Variants in TNRC6A observed in about 807,000 individuals in gnomAD.
TNRC6A encodes the protein trinucleotide repeat containing adaptor 6A.
A neutral mutation model predicts 221.2 loss-of-function variants in TNRC6A; 44 were observed. The observed-to-expected ratio is 0.20, with a 90% CI of 0.16 to 0.26. The LOEUF is 0.26. TNRC6A is among the 10% of genes least tolerant of loss of function. TNRC6A has a pLI of 1.00. For missense variants in TNRC6A, 2,199 were observed against 2,404.4 expected, an observed-to-expected ratio of 0.91 and a Z score of 1.79; for synonymous variants, 847 against 838.5, an observed-to-expected ratio of 1.01 and a Z score of -0.18.
intron 15 of TNRC6A, 68 bp downstream of exon 15, chr16:24,805,801 T>A: frequency 3.8e-6 from 6 of 1,599,024 alleles, no homozygotes; most frequent in Non-Finnish European, 5.1e-6. Context: ...AACACTAGAC[T>A]CTGTGCGGGA....
In TNRC6A at chr16:24,823,663, C is replaced by T. The variant is rs773585517; in HGVS notation, c.5745C>T (p.Gly1915=). 6.2e-7 allele frequency: 1 copy of T among 1,612,286 alleles called. No homozygotes were observed. The highest frequency in any genetic ancestry group is 8.5e-7 in the Non-Finnish European group (1 of 1,178,802). ...GAACTAACTGTGGAGACCTTCACGG[C>T]ACTTCACTCTGGGGGACCCCGCATT... The part of the protein sequence containing the change: ...LSGTNCGDLH[G]TSLWGTPHYS... Residue 1915 remains glycine (G), a synonymous_variant, in exon 25 of 25, where the codon GGC becomes GGT. Transcript: ENST00000395799. The surrounding 1 kb of genome is among the most constrained non-coding windows in gnomAD (Gnocchi z 4.3).
intron 2 of TNRC6A, among the ~76,000 whole-genome samples, chr16:24,695,251 G>A (rs1046091600): frequency 3.3e-5 from 5 of 152,106 alleles, no homozygotes; most frequent in Non-Finnish European, 7.3e-5. Flanking sequence ...TACTCCAAGG[G>A]TATCTGATAC....
intron 2 of TNRC6A, among the ~76,000 whole-genome samples, chr16:24,686,282 G>A (rs149690478): frequency 2.7e-3 from 414 of 152,208 alleles, no homozygotes; most frequent in Non-Finnish European, 4.7e-3. Context: ...CTTCCCTCAC[G>A]CGAGCCGAGA....
intron 2 of TNRC6A, among the ~76,000 whole-genome samples, chr16:24,746,392 A>T (rs1302006447): frequency 6.6e-6 from 1 of 152,172 alleles, no homozygotes; most frequent in Non-Finnish European, 1.5e-5. Flanking sequence ...GCTCGGGGCA[A>T]CTGAGTGAGA....
At chr16:24,666,702 G>A (rs541432877) in intron 2 of TNRC6A, among the ~76,000 whole-genome samples, 1 of 142,668 alleles carries the variant, frequency 7.0e-6, no homozygotes, top group Non-Finnish European at 1.5e-5. Context: ...TATGGCAGGG[G>A]CAGGGGCAGT....
intron 2 of TNRC6A, among the ~76,000 whole-genome samples, chr16:24,691,302 C>T (rs913817769): frequency 6.6e-6 from 1 of 152,016 alleles, no homozygotes; most frequent in African/African-American, 2.4e-5. Flanking sequence ...ACTGCAACCT[C>T]GAACTCCTGG....
chr16:24,813,291 C>T (rs1332438856), intron 18 of TNRC6A, among the ~76,000 whole-genome samples: 1 of 152,086 alleles, frequency 6.6e-6, no homozygotes, highest in Admixed American at 6.5e-5. Flanking sequence ...AGCCCATTGC[C>T]CAAATAGTGA....
At chr16:24,753,585 C>G (rs775224377) in intron 3 of TNRC6A, among the ~76,000 whole-genome samples, 37 of 152,038 alleles carry the variant, frequency 2.4e-4, no homozygotes, top group Non-Finnish European at 5.3e-4. Context: ...AAAAGAAAAC[C>G]CCCAAATGAC....
intron 2 of TNRC6A, among the ~76,000 whole-genome samples, chr16:24,722,398 A>G (rs1225806872): frequency 6.7e-6 from 1 of 150,108 alleles, no homozygotes; most frequent in East Asian, 2.0e-4. Context: ...TGGGTGACAG[A>G]GCAAGACCCC....
At chr16:24,723,290 T>G (rs1013234248) in intron 2 of TNRC6A, among the ~76,000 whole-genome samples, 2 of 152,050 alleles carry the variant, frequency 1.3e-5, no homozygotes, top group Non-Finnish European at 2.9e-5. Flanking sequence ...AGGGGAGATG[T>G]GTGCTATTAA....
chr16:24,704,835 C>T (rs1254072242), intron 2 of TNRC6A, among the ~76,000 whole-genome samples: 1 of 151,668 alleles, frequency 6.6e-6, no homozygotes. Flanking sequence ...TTATTTAAAA[C>T]AGTAATAACA....
intron 2 of TNRC6A, among the ~76,000 whole-genome samples, chr16:24,739,581 C>T (rs1192671824): frequency 1.3e-5 from 2 of 149,062 alleles, no homozygotes; most frequent in South Asian, 4.2e-4. Flanking sequence ...CAGGTTCAAG[C>T]GTTTCTCCTC....
At chr16:24,747,615 G>A (rs768629844) in intron 2 of TNRC6A, among the ~76,000 whole-genome samples, 18 of 152,148 alleles carry the variant, frequency 1.2e-4, no homozygotes, top group Non-Finnish European at 2.1e-4. Context: ...GGAAGCTGAC[G>A]TGTTTGGGCA....
chr16:24,791,252 T>C lies in TNRC6A; in HGVS notation c.2610T>C (p.Asn870=). 2.5e-6 allele frequency: 4 copies of C among 1,614,058 alleles called. No homozygotes were observed. Among genetic ancestry groups the C allele is most frequent in the Non-Finnish European group, 3.4e-6 (4 of 1,179,984 alleles). ...GGAATAACCATTGGGGTGAGGCCAA[T>C]AAGAAATCCAGCTCAGGAGGTAGTG... ...TSRNNHWGEA[N]KKSSSGGSDS... is the part of the protein sequence containing the mutation. The change falls in exon 6 of 25, where the codon AAT becomes AAC. Residue 870 remains asparagine, a synonymous_variant. Coordinates refer to ENST00000395799, the MANE Select transcript of TNRC6A (RefSeq NM_014494.4).
intron 17 of TNRC6A, among the ~76,000 whole-genome samples, chr16:24,807,747 G>T (rs1233415537): frequency 6.7e-6 from 1 of 148,730 alleles, no homozygotes; most frequent in Non-Finnish European, 1.5e-5. Flanking sequence ...TTGTGCCCTT[G>T]ATTATATTTT....
chr16:24,622,288 A>G (rs953873200), intron 1 of TNRC6A, among the ~76,000 whole-genome samples: 2 of 152,152 alleles, frequency 1.3e-5, no homozygotes, highest in Non-Finnish European at 2.9e-5. Context: ...CTAGTATGCA[A>G]TTGATTAATT....
intron 4 of TNRC6A, among the ~76,000 whole-genome samples, chr16:24,763,062 G>A (rs73548997): frequency 2.0e-5 from 3 of 152,078 alleles, no homozygotes; most frequent in African/African-American, 7.2e-5. Context: ...GTGAGGCATT[G>A]GCTCTTAAAT....
At chr16:24,691,140 G>A (rs2055748478) in intron 2 of TNRC6A, among the ~76,000 whole-genome samples, 1 of 151,894 alleles carries the variant, frequency 6.6e-6, no homozygotes, top group Admixed American at 6.6e-5. Context: ...GTGTTCCATG[G>A]GAAGAAATAT....
At chr16:24,648,494 T>A (rs554628975) in intron 2 of TNRC6A, among the ~76,000 whole-genome samples, 27 of 151,774 alleles carry the variant, frequency 1.8e-4, no homozygotes, top group South Asian at 2.1e-4. Flanking sequence ...ATGGTCTCGA[T>A]CTCCTGACCT....
Sources: allele counts gnomAD v4.1 joint callset (sites outside exome capture counted in the v4.1 genomes callset), GRCh38; gene constraint gnomAD v4.1.1; non-coding constraint Gnocchi (gnomAD v3.1); transcripts MANE v1.5; gene names NCBI Gene and HGNC (gene_info 2026-07-23, HGNC 2026-07-21).